Variants in AKAP8L observed in about 807,000 individuals in gnomAD.
AKAP8L encodes A-kinase anchor protein 8-like.
AKAP8L carries 34 observed loss-of-function variants against 77.5 expected under a neutral mutation model. That is an observed-to-expected ratio of 0.44 (90% CI 0.33 to 0.58). The LOEUF is 0.58. Among genes scored for constraint, AKAP8L ranks in the 20% least tolerant of loss-of-function variants. The probability of loss-of-function intolerance (pLI) is 0.02; values close to 1 mark genes in which losing one functional copy is unlikely to be tolerated. For missense variants in AKAP8L, 806 were observed against 887.6 expected (o/e 0.91, Z 1.17); for synonymous variants, 342 against 340.7 (o/e 1.00, Z -0.04).
At chr19:15,412,240 G>T (rs1968118973) in intron 1 of AKAP8L, among the ~76,000 whole-genome samples, 1 of 152,076 alleles carries the variant, frequency 6.6e-6, no homozygotes, top group African/African-American at 2.4e-5. Flanking sequence ...AAATTAGCTG[G>T]GTGTGGTGGC....
Position 15,397,989 on chromosome 19 carries a change from G to A in AKAP8L, c.1158-134C>T. On this transcript the variant is annotated intron_variant, in intron 9 of 13. Transcript: ENST00000397410. The surrounding 1 kb of genome is among the most constrained non-coding windows in gnomAD (Gnocchi z 4.7). Reference sequence around the variant, plus strand: ...CTCTGAAGTACGGTCCCAGCAGAGGGACAGGCTGGGACCAGTGGGGTCGGG... The same window carrying A: ...CTCTGAAGTACGGTCCCAGCAGAGGAACAGGCTGGGACCAGTGGGGTCGGG... The A allele has an allele frequency of 9.0e-7, 1 of 1,106,750 alleles. No homozygotes were observed. The highest frequency in any genetic ancestry group is 1.6e-5 in the African/African-American group (1 of 63,722). 68.6% of individuals were successfully genotyped at this position (1,106,750 alleles called of 1,614,324 possible). A position where few individuals can be genotyped will look rare whatever the true frequency, so the allele number is the denominator to read the frequency against.
At chr19:15,386,001 C>T (rs1967529298) in intron 12 of AKAP8L, among the ~76,000 whole-genome samples, 1 of 151,812 alleles carries the variant, frequency 6.6e-6, no homozygotes, top group African/African-American at 2.4e-5. Flanking sequence ...ACCTCCGCCT[C>T]CTGGGTTCAC....
At chr19:15,385,105 G>GTAC (rs1270083050) in intron 12 of AKAP8L, among the ~76,000 whole-genome samples, 50 of 152,178 alleles carry the variant, frequency 3.3e-4, no homozygotes, top group Non-Finnish European at 5.9e-5. Flanking sequence ...AGCCTCCCAA[G>GTAC]TAGCTGGGAC....
At chr19:15,382,867 TG>T (rs1967447880) in intron 12 of AKAP8L, among the ~76,000 whole-genome samples, 1 of 152,248 alleles carries the variant, frequency 6.6e-6, no homozygotes, top group African/African-American at 2.4e-5. Context: ...AAAAAGGTTT[TG>T]GATTTCGGAG....
chr19:15,407,277 A>T (rs776814490), intron 2 of AKAP8L, among the ~76,000 whole-genome samples: 1 of 152,158 alleles, frequency 6.6e-6, no homozygotes, highest in African/African-American at 2.4e-5. Flanking sequence ...ATAAAATAAG[A>T]GCAGTACCCA....
chr19:15,402,221 G>C (rs1019885066), intron 4 of AKAP8L, among the ~76,000 whole-genome samples: 2 of 152,156 alleles, frequency 1.3e-5, no homozygotes, highest in South Asian at 4.1e-4. Flanking sequence ...CCCAGAGCCA[G>C]ACACCAAACT....
At chr19:15,414,795 TTC>T (rs1431457569) in intron 1 of AKAP8L, among the ~76,000 whole-genome samples, 2 of 151,938 alleles carry the variant, frequency 1.3e-5, no homozygotes, top group Non-Finnish European at 2.9e-5. Context: ...GCCCACGGAT[TTC>T]TTTCTTTCTA....
chr19:15,387,536 A>G (rs916689029), intron 12 of AKAP8L, among the ~76,000 whole-genome samples: 1 of 151,716 alleles, frequency 6.6e-6, no homozygotes. Context: ...AAAAAGAAGG[A>G]CCGGTAGATT....
At chr19:15,408,655 G>A (rs1176726257) in intron 2 of AKAP8L, among the ~76,000 whole-genome samples, 1 of 151,758 alleles carries the variant, frequency 6.6e-6, no homozygotes, top group Admixed American at 6.6e-5. Flanking sequence ...AGGCCGAGGC[G>A]GGAGGATCAC....
intron 12 of AKAP8L, among the ~76,000 whole-genome samples, chr19:15,381,633 T>G (rs1040074003): frequency 2.0e-5 from 3 of 152,148 alleles, no homozygotes; most frequent in Non-Finnish European, 4.4e-5. Flanking sequence ...TTTTTTTTCC[T>G]TAGCACGTTT....
intron 1 of AKAP8L, among the ~76,000 whole-genome samples, chr19:15,416,517 C>T (rs1968210394): frequency 6.6e-6 from 1 of 152,202 alleles, no homozygotes; most frequent in South Asian, 2.1e-4. Flanking sequence ...GTTTAAGTCA[C>T]CTTGGAGGTG....
chr19:15,409,418 C>G (rs1166226487), intron 2 of AKAP8L, among the ~76,000 whole-genome samples: 1 of 152,212 alleles, frequency 6.6e-6, no homozygotes, highest in African/African-American at 2.4e-5. Flanking sequence ...CCTTCTCACT[C>G]AATTTCAAAA....
rs1967909357 is a variant in AKAP8L, at chr19:15,401,918, G to A, written c.363-315C>T. Among the ~76,000 whole-genome samples the A allele has an allele frequency of 6.6e-6, 1 of 152,166 alleles. No homozygotes were observed. On this transcript the variant is annotated intron_variant, in intron 4 of 13. Transcript: ENST00000397410. This position sits in a 1 kb window ranked among gnomAD's most constrained non-coding sequence, Gnocchi z 6.2. ...CTGCTCCACAGCCCTTTGGGAACATGTACACCATCTGTGGGAGCTGCAACG... is the reference window on the plus strand; with the variant it reads ...CTGCTCCACAGCCCTTTGGGAACATATACACCATCTGTGGGAGCTGCAACG...
chr19:15,403,731 C>T lies in AKAP8L; in HGVS notation c.122-16G>A. 1.3e-6 allele frequency: 2 copies of T among 1,544,112 alleles called. No individual in the cohort carries two copies. The highest frequency in any genetic ancestry group is 1.8e-6 in the Non-Finnish European group (2 of 1,136,720). On this transcript the variant is annotated splice_polypyrimidine_tract_variant and intron_variant, in intron 3 of 13. Coordinates refer to ENST00000397410, the MANE Select transcript of AKAP8L (RefSeq NM_014371.4). This position sits in a 1 kb window ranked among gnomAD's most constrained non-coding sequence, Gnocchi z 4.3. ...CCCTCGTAGCCTGCAGTGAGGGAGA[C>T]AGAGACAGACAGATGGTGGGGGCAG...
chr19:15,405,484 C>T (rs187791827), intron 2 of AKAP8L, among the ~76,000 whole-genome samples: 6 of 151,286 alleles, frequency 4.0e-5, no homozygotes, highest in South Asian at 2.1e-4. Context: ...GAGGTGAGAT[C>T]GCGCCACTGC....
rs1191182730 is a variant in AKAP8L at position 15,403,561 on chromosome 19, T to C, written c.276A>G (p.Leu92=). The part of the protein sequence containing the change: ...ASGSASADSV[L]SRINQRLDMV... ...TATCTAAGCGCTGGTTAATTCTGGATAAAACGGAATCGGCACTGGCGCTAC... is the reference window on the plus strand; with the variant it reads ...TATCTAAGCGCTGGTTAATTCTGGACAAAACGGAATCGGCACTGGCGCTAC... The change falls in exon 4 of 14, where the codon TTA becomes TTG. Residue 92 remains leucine, a synonymous_variant. Transcript: ENST00000397410. The surrounding 1 kb of genome is among the most constrained non-coding windows in gnomAD (Gnocchi z 4.3). 6.2e-7 allele frequency: 1 copy of C among 1,613,986 alleles called. No homozygotes were observed.
At position 15,399,645 on chromosome 19, in the gene AKAP8L, C is replaced by A; in HGVS notation, c.1049-235G>T. The A allele has an allele frequency of 1.8e-6, 1 of 558,862 alleles. No homozygotes were observed. The highest frequency in any genetic ancestry group is 3.2e-6 in the Non-Finnish European group (1 of 310,792). 34.6% of individuals were successfully genotyped at this position (558,862 alleles called of 1,614,324 possible). Reference sequence around the variant, plus strand: ...ATGACCCCTCCACTCTCCAGGACACCCATGCTCTCTGTGCAGTGGGCCAGG... The same window carrying A: ...ATGACCCCTCCACTCTCCAGGACACACATGCTCTCTGTGCAGTGGGCCAGG... On this transcript the variant is annotated intron_variant, in intron 8 of 13. Coordinates refer to ENST00000397410, the MANE Select transcript of AKAP8L (RefSeq NM_014371.4). This position sits in a 1 kb window ranked among gnomAD's most constrained non-coding sequence, Gnocchi z 6.1.
chr19:15,389,976 C>G (rs1009994640), intron 12 of AKAP8L, among the ~76,000 whole-genome samples: 6 of 151,540 alleles, frequency 4.0e-5, no homozygotes, highest in African/African-American at 1.5e-4. Context: ...GTGGCAAGAC[C>G]CTGTCTCTAT....
intron 12 of AKAP8L, among the ~76,000 whole-genome samples, chr19:15,387,362 A>T (rs1021437180): frequency 5.3e-5 from 8 of 152,184 alleles, no homozygotes; most frequent in Non-Finnish European, 1.0e-4. Context: ...CACTGGCAAG[A>T]GTGTTGGGAA....
Sources: allele counts gnomAD v4.1 joint callset (sites outside exome capture counted in the v4.1 genomes callset), GRCh38; gene constraint gnomAD v4.1.1; non-coding constraint Gnocchi (gnomAD v3.1); transcripts MANE v1.5; gene names NCBI Gene and HGNC (gene_info 2026-07-23, HGNC 2026-07-21).